The following RASEF variants were observed in gnomAD, a reference collection of about 807,000 sequenced individuals.
RASEF encodes ras and EF-hand domain-containing protein.
In RASEF, 68 loss-of-function variants were observed where a neutral mutation model predicts 90.1. The observed-to-expected ratio is 0.75, with a 90% CI of 0.62 to 0.92. The LOEUF (loss-of-function observed/expected upper bound fraction) is 0.92, where lower values mean the gene tolerates loss of function less well. Ranked by LOEUF, RASEF falls within the 40% of genes least tolerant of loss-of-function variation. The probability of loss-of-function intolerance (pLI) is 0.00; values close to 1 mark genes in which losing one functional copy is unlikely to be tolerated. For synonymous variants in RASEF, 331 were observed against 345.2 expected, an observed-to-expected ratio of 0.96 and a Z score of 0.46; for missense variants, 949 against 937.2, an observed-to-expected ratio of 1.01 and a Z score of -0.16.
In RASEF at chr9:82,979,683, A is replaced by T. The variant is rs1828563016; in HGVS notation, c.*2994T>A. On this transcript the variant is annotated 3_prime_UTR_variant, in exon 17 of 17. Transcript: ENST00000376447. The stretch of plus-strand genomic sequence containing the variant: ...TGCTATAAAAATTACACTTTATGGT[A>T]TAATTATTAAGGTTTGAAGAGAAAT... 1 of 152,234 alleles carries T rather than the reference A, an allele frequency of 6.6e-6. No individual in the cohort carries two copies. Among genetic ancestry groups the T allele is most frequent in the African/African-American group, 2.4e-5 (1 of 41,466 alleles). The allele number at this position is 152,234 out of a possible 1,614,324, so 9.4% of individuals were successfully genotyped here.
At chr9:83,214,543 G>A in the RASEF span, among the ~76,000 whole-genome samples, 28 of 152,160 alleles carry the variant, frequency 1.8e-4, no homozygotes, top group African/African-American at 6.3e-4. Flanking sequence ...TATATGGTTT[G>A]GCTGGGTCCC....
the RASEF span, among the ~76,000 whole-genome samples, chr9:83,145,596 T>C: frequency 6.6e-6 from 1 of 152,192 alleles, no homozygotes; most frequent in African/African-American, 2.4e-5. Context: ...TAGCATGTTT[T>C]GGTGTTAAAT....
chr9:83,169,678 G>T, the RASEF span, among the ~76,000 whole-genome samples: 3 of 151,842 alleles, frequency 2.0e-5, no homozygotes, highest in Non-Finnish European at 4.4e-5. Flanking sequence ...GTTTTGATTT[G>T]CATCTCCTTA....
chr9:83,179,474 T>C, the RASEF span, among the ~76,000 whole-genome samples: 747 of 152,266 alleles, frequency 4.9e-3, 17 homozygotes, highest in East Asian at 0.061. Flanking sequence ...ATGAGTATCG[T>C]CATTTATTTC....
chr9:83,197,988 C>T, the RASEF span, among the ~76,000 whole-genome samples: 1 of 152,204 alleles, frequency 6.6e-6, no homozygotes, highest in East Asian at 1.9e-4. Flanking sequence ...CAGAGAGAAT[C>T]ATCTTTTGGA....
the RASEF span, among the ~76,000 whole-genome samples, chr9:83,163,057 A>T: frequency 4.8e-4 from 73 of 152,358 alleles, no homozygotes; most frequent in Admixed American, 4.2e-3. Flanking sequence ...ACCAGAACCT[A>T]AACTAATATT....
the RASEF span, among the ~76,000 whole-genome samples, chr9:83,109,042 T>C: frequency 4.6e-5 from 7 of 152,322 alleles, no homozygotes; most frequent in Admixed American, 2.0e-4. Flanking sequence ...AGGAGTTCAT[T>C]AGCAGTGTTG....
the RASEF span, among the ~76,000 whole-genome samples, chr9:83,092,474 T>G: frequency 6.6e-6 from 1 of 151,614 alleles, no homozygotes; most frequent in African/African-American, 2.4e-5. Context: ...TTGCTGTGAG[T>G]GTTACAGCTC....
At chr9:83,073,115 C>T in the RASEF span, among the ~76,000 whole-genome samples, 1 of 152,096 alleles carries the variant, frequency 6.6e-6, no homozygotes, top group East Asian at 1.9e-4. Flanking sequence ...AGCCCCATCC[C>T]CATAAGTCCC....
the RASEF span, among the ~76,000 whole-genome samples, chr9:83,172,778 T>C: frequency 1.3e-5 from 2 of 151,978 alleles, no homozygotes; most frequent in East Asian, 1.9e-4. Flanking sequence ...ATGCTAAAGA[T>C]AGCAGTAGTT....
rs1829096046 is a variant in RASEF, at chr9:83,004,584, A to G, written c.1116T>C (p.His372=). The G allele has an allele frequency of 6.6e-7, 1 of 1,517,960 alleles. No individual in the cohort carries two copies. Among genetic ancestry groups the G allele is most frequent in the Non-Finnish European group, 9.2e-7 (1 of 1,092,652 alleles). The allele number at this position is 1,517,960 out of a possible 1,614,324, so 94.0% of individuals were successfully genotyped here. A position where few individuals can be genotyped will look rare whatever the true frequency, so the allele number is the denominator to read the frequency against. The change falls in exon 9 of 17, where the codon CAT becomes CAC. Residue 372 remains histidine, a splice_region_variant and synonymous_variant. Coordinates refer to ENST00000376447, the MANE Select transcript of RASEF (RefSeq NM_152573.4). The stretch of plus-strand genomic sequence containing the variant: ...TATTCCCTGGTGAGATATTATTTAT[A>G]TGCTGTAATATAGAAGTAATCATTT... The part of the protein sequence containing the change: ...NSYSKFNRSL[H]INNISPGNTI...
At chr9:83,043,400 G>T (rs79224702) in intron 1 of RASEF, among the ~76,000 whole-genome samples, 5 of 59,824 alleles carry the variant, frequency 8.4e-5, no homozygotes, top group Non-Finnish European at 1.9e-4. Context: ...CAGTGATTGG[G>T]GGGGGGGACC....
chr9:83,092,011 T>TTTA, the RASEF span, among the ~76,000 whole-genome samples: 3 of 128,162 alleles, frequency 2.3e-5, no homozygotes, highest in Admixed American at 7.4e-5. Context: ...TTCTTTTTTT[T>TTTA]TTTTTTTTTT....
intron 8 of RASEF, 71 bp downstream of exon 8, chr9:83,005,345 T>A: frequency 9.1e-7 from 1 of 1,103,874 alleles, no homozygotes; most frequent in Non-Finnish European, 1.4e-6. Context: ...AGAAATTACA[T>A]TATTTTCATC....
intron 15 of RASEF, among the ~76,000 whole-genome samples, chr9:82,991,594 T>C (rs1399444283): frequency 1.3e-5 from 2 of 152,108 alleles, no homozygotes; most frequent in Non-Finnish European, 2.9e-5. Flanking sequence ...AATGGGACCT[T>C]TACTCGTAAG....
chr9:83,058,872 G>A (rs889089780), intron 1 of RASEF, among the ~76,000 whole-genome samples: 1 of 152,040 alleles, frequency 6.6e-6, no homozygotes, highest in African/African-American at 2.4e-5. Flanking sequence ...CTTCGACATC[G>A]TGCATGTAGA....
At chr9:83,092,179 C>T in the RASEF span, among the ~76,000 whole-genome samples, 1 of 151,942 alleles carries the variant, frequency 6.6e-6, no homozygotes, top group African/African-American at 2.4e-5. Context: ...GTCATTTTCA[C>T]TGACCAATCT....
chr9:83,027,525 C>T (rs1334247410), intron 1 of RASEF, among the ~76,000 whole-genome samples: 2 of 152,072 alleles, frequency 1.3e-5, no homozygotes, highest in Non-Finnish European at 2.9e-5. Context: ...GGACAAAGAC[C>T]AACTACATAT....
chr9:83,071,721 A>G, the RASEF span, among the ~76,000 whole-genome samples: 1 of 152,092 alleles, frequency 6.6e-6, no homozygotes, highest in African/African-American at 2.4e-5. Context: ...CATTTTGTTA[A>G]CAGTGGTGAA....
Sources: gnomAD v4.1 joint callset for allele counts (sites outside exome capture counted in the v4.1 genomes callset) on GRCh38, gnomAD v4.1.1 for gene constraint, MANE v1.5 for transcripts, NCBI Gene and HGNC (gene_info 2026-07-23, HGNC 2026-07-21) for gene names.